The following C4orf50 variants were observed in gnomAD, a reference collection of about 807,000 sequenced individuals.
C4orf50 encodes the protein chromosome 4 open reading frame 50.
Under a neutral mutation model 77.2 loss-of-function variants are expected in C4orf50, and 80 were observed. That is an observed-to-expected ratio of 1.04 (90% CI 0.87 to 1.25). The LOEUF (loss-of-function observed/expected upper bound fraction) is 1.25, where lower values mean the gene tolerates loss of function less well. C4orf50 is among the 50% of genes most tolerant of loss of function. The pLI is 0.00. For missense variants in C4orf50, 1,257 were observed against 1,152.9 expected (o/e 1.09, Z -1.31); for synonymous variants, 532 against 465.3 (o/e 1.14, Z -1.84).
intron 7 of C4orf50, among the ~76,000 whole-genome samples, chr4:5,927,557 T>C (rs1187880872): frequency 1.3e-5 from 2 of 152,046 alleles, no homozygotes; most frequent in Non-Finnish European, 1.5e-5. Flanking sequence ...CCCCATGCTG[T>C]TCTGGTGATA....
intron 27 of C4orf50, among the ~76,000 whole-genome samples, chr4:5,991,898 G>A (rs113321559): frequency 1.8e-4 from 27 of 152,310 alleles, no homozygotes; most frequent in African/African-American, 5.5e-4. Flanking sequence ...GCAGCACCTC[G>A]TCCTCTGTTG....
chr4:5,923,410 G>A (rs1211956298), intron 7 of C4orf50: 1 of 154,170 alleles, frequency 6.5e-6, no homozygotes, highest in Non-Finnish European at 1.5e-5. Flanking sequence ...TGCTAACAAG[G>A]GGAAGGGGGA....
At chr4:5,989,009 T>C (rs1401450868) in exon 28 of C4orf50, 2 of 1,536,000 alleles carry the variant, frequency 1.3e-6, no homozygotes, top group African/African-American at 1.4e-5. Context: ...TCCAAAATTT[T>C]GCAGTAACTC....
intron 23 of C4orf50, among the ~76,000 whole-genome samples, chr4:6,012,327 C>T (rs766264837): frequency 2.6e-5 from 4 of 152,046 alleles, no homozygotes; most frequent in Non-Finnish European, 4.4e-5. Context: ...TAACAGCCTG[C>T]AGGTGGGTTC....
Position 6,006,094 on chromosome 4 carries a change from G to A in C4orf50, c.963+1902C>T, listed in dbSNP as rs1172991039. 2.6e-5 allele frequency among the ~76,000 whole-genome samples: 4 copies of A among 152,134 alleles called. No homozygotes were observed. In the South Asian group the frequency reaches 6.2e-4, roughly 24 times the overall value. On this transcript the variant is annotated intron_variant, in intron 25 of 33. Coordinates refer to ENST00000531445, the Ensembl canonical transcript of C4orf50. ...CCTTTTATCTGATGAACATAAGGAG[G>A]AAGAACAAACAGGAAATGTACAACA...
At chr4:5,902,896 C>G (rs548672426) in intron 7 of C4orf50, 1 of 152,252 alleles carries the variant, frequency 6.6e-6, no homozygotes, top group East Asian at 1.9e-4. Flanking sequence ...GGTAGCAGAG[C>G]TGGAAGTAGA....
chr4:5,993,747 C>T (rs969921402), intron 26 of C4orf50, among the ~76,000 whole-genome samples: 14 of 149,418 alleles, frequency 9.4e-5, no homozygotes, highest in African/African-American at 3.5e-4. Flanking sequence ...AACCCGGGAG[C>T]TTGAGGTTGC....
chr4:5,926,369 G>A (rs1286996948), intron 7 of C4orf50, among the ~76,000 whole-genome samples: 2 of 152,178 alleles, frequency 1.3e-5, no homozygotes, highest in African/African-American at 4.8e-5. Context: ...CTCTTCCCAC[G>A]AAGGGCCCAG....
chr4:6,004,230 T>A (rs1577992222), intron 25 of C4orf50, among the ~76,000 whole-genome samples: 1 of 50,994 alleles, frequency 2.0e-5, no homozygotes, highest in Non-Finnish European at 3.9e-5. Flanking sequence ...GATGATGTGA[T>A]GGTGATGATG....
At chr4:5,930,042 C>T (rs767016097) in intron 7 of C4orf50, among the ~76,000 whole-genome samples, 1 of 152,184 alleles carries the variant, frequency 6.6e-6, no homozygotes, top group Non-Finnish European at 1.5e-5. Context: ...GCAGGTGATA[C>T]TTCTAGGCAT....
intron 30 of C4orf50, among the ~76,000 whole-genome samples, chr4:5,974,943 C>A (rs112721670): frequency 2.6e-5 from 4 of 151,512 alleles, no homozygotes; most frequent in Non-Finnish European, 4.4e-5. Context: ...AGTTCGAGAC[C>A]ACCCTGGCCA....
At chr4:5,931,048 A>T (rs946453389) in intron 7 of C4orf50, among the ~76,000 whole-genome samples, 4 of 152,186 alleles carry the variant, frequency 2.6e-5, no homozygotes, top group African/African-American at 9.7e-5. Flanking sequence ...GGAGAGCCTA[A>T]ATCTGTCCCA....
In C4orf50 at chr4:5,921,278, A is replaced by AGTCCTGC. The variant is rs533874602; in HGVS notation, c.*2475-23097_*2475-23091dup. On this transcript the variant is annotated intron_variant, in intron 7 of 7. Coordinates refer to the C4orf50 transcript ENST00000324058. The stretch of plus-strand genomic sequence containing the variant: ...ACTCTTCAATAAATCTGCATTGCTC[A>AGTCCTGC]GTCCTGCCGTGCAAGTGGATTCTGT... Among the ~76,000 whole-genome samples, 817 of 152,322 alleles carry AGTCCTGC rather than the reference A, an allele frequency of 5.4e-3. 4 individuals are homozygous for AGTCCTGC. Among genetic ancestry groups the AGTCCTGC allele is most frequent in the African/African-American group, 0.019 (793 of 41,566 alleles).
At chr4:5,941,194 C>G (rs1275203004) in intron 7 of C4orf50, among the ~76,000 whole-genome samples, 1 of 152,158 alleles carries the variant, frequency 6.6e-6, no homozygotes, top group Admixed American at 6.5e-5. Context: ...TGGGTGCTTC[C>G]TTTGTGCCAG....
At chr4:5,922,274 C>G (rs535641532) in intron 7 of C4orf50, among the ~76,000 whole-genome samples, 3 of 152,344 alleles carry the variant, frequency 2.0e-5, no homozygotes, top group South Asian at 4.1e-4. Context: ...CTCCCATCTC[C>G]TCAGAATCCC....
chr4:5,967,076 G>T (rs1269954681), intron 32 of C4orf50, among the ~76,000 whole-genome samples: 5 of 152,146 alleles, frequency 3.3e-5, no homozygotes, highest in South Asian at 4.1e-4. Flanking sequence ...AATACTGAGG[G>T]TTCCTCCCAG....
At chr4:6,002,547 C>A (rs1399892052) in intron 25 of C4orf50, among the ~76,000 whole-genome samples, 1 of 152,212 alleles carries the variant, frequency 6.6e-6, no homozygotes, top group Non-Finnish European at 1.5e-5. Flanking sequence ...TAGCTCCAAA[C>A]CAGCTGGGAA....
chr4:5,968,506 G>C (rs1413120835), intron 31 of C4orf50, among the ~76,000 whole-genome samples: 3 of 152,188 alleles, frequency 2.0e-5, no homozygotes, highest in African/African-American at 7.2e-5. Context: ...AGAGCACTTT[G>C]CTGTCACCCT....
intron 23 of C4orf50, among the ~76,000 whole-genome samples, chr4:6,013,436 T>C (rs1287118717): frequency 6.6e-6 from 1 of 152,232 alleles, no homozygotes; most frequent in African/African-American, 2.4e-5. Flanking sequence ...TTAATTCTGA[T>C]ACGATTCCTA....
Sources: gnomAD v4.1 joint callset for allele counts (sites outside exome capture counted in the v4.1 genomes callset) on GRCh38, gnomAD v4.1.1 for gene constraint, MANE v1.5 for transcripts, NCBI Gene and HGNC (gene_info 2026-07-23, HGNC 2026-07-21) for gene names.